The following LALBA variants were observed in gnomAD, a reference collection of about 807,000 sequenced individuals.
LALBA encodes the protein lactalbumin alpha.
A neutral mutation model predicts 13.4 loss-of-function variants in LALBA; 12 were observed. The ratio of observed to expected loss-of-function variants is 0.89; its 90% confidence interval spans 0.57 to 1.45. The LOEUF (loss-of-function observed/expected upper bound fraction) is 1.45. Among genes scored for constraint, LALBA ranks in the 40% most tolerant of loss-of-function variants. The probability of loss-of-function intolerance (pLI) is 0.00; values close to 1 mark genes in which losing one functional copy is unlikely to be tolerated. For missense variants in LALBA, 145 were observed against 165.9 expected, an observed-to-expected ratio of 0.87 and a Z score of 0.69; for synonymous variants, 64 against 61.0, an observed-to-expected ratio of 1.05 and a Z score of -0.23.
chr12:48,570,047 G>A (rs757354101), upstream of LALBA: 2 of 1,612,892 alleles, frequency 1.2e-6, no homozygotes, highest in East Asian at 4.5e-5. Context: ...AACCTGAAAT[G>A]GAAGCATCAC....
intron 3 of LALBA, 71 bp downstream of exon 3, chr12:48,568,446 G>A: frequency 1.2e-6 from 1 of 868,218 alleles, no homozygotes; most frequent in Non-Finnish European, 2.0e-6. Flanking sequence ...TAGGGTAAGA[G>A]GAAAGGGGTG....
intron 3 of LALBA, 81 bp from the exon 4 acceptor site, chr12:48,568,098 C>T (rs1486706103): frequency 4.6e-6 from 5 of 1,091,944 alleles, no homozygotes; most frequent in South Asian, 2.7e-5. Context: ...AGTGGAAGAG[C>T]GTGGACGAGA....
At chr12:48,569,270 A>T in intron 1 of LALBA, 30 bp from the exon 2 acceptor site, 2 of 1,571,476 alleles carry the variant, frequency 1.3e-6, no homozygotes, top group South Asian at 2.3e-5. Flanking sequence ...GAGATACCAC[A>T]GAGATGTACA....
In LALBA at chr12:48,569,777, AAG is replaced by A. The variant is rs557838899; in HGVS notation, c.133+109_133+110del. On this transcript the variant is annotated intron_variant, in intron 1 of 3. Coordinates refer to ENST00000301046, the MANE Select transcript of LALBA (RefSeq NM_002289.3). The stretch of plus-strand genomic sequence containing the variant: ...TAAAAGAGTATGCAAATGAGCAGAA[AAG>A]AGGATGATTAGATAATTAAGTAAAA... The A allele has an allele frequency of 1.3e-4, 125 of 952,618 alleles. 1 individual carries two copies. In the East Asian group the frequency reaches 3.1e-3, roughly 24 times the overall value. The allele number at this position is 952,618 out of a possible 1,614,324, so 59.0% of individuals were successfully genotyped here.
At chr12:48,570,205 C>T (rs1435150466), upstream of LALBA, 3 of 624,026 alleles carry the variant, frequency 4.8e-6, no homozygotes, top group Non-Finnish European at 8.3e-6. Context: ...CCCTACTTTT[C>T]CTTTCCCTCT....
intron 2 of LALBA, among the ~76,000 whole-genome samples, chr12:48,568,867 T>C (rs1025221072): frequency 2.0e-5 from 3 of 152,212 alleles, no homozygotes; most frequent in Admixed American, 1.3e-4. Context: ...ACAGCTCCGA[T>C]TGTCTACCAC....
intron 1 of LALBA, 26 bp downstream of exon 1, chr12:48,569,862 A>G (rs545242831): frequency 3.7e-6 from 6 of 1,612,386 alleles, no homozygotes; most frequent in Non-Finnish European, 4.2e-6. Context: ...TGAGGAATGG[A>G]TGAAACACAG....
upstream of LALBA, among the ~76,000 whole-genome samples, chr12:48,570,749 G>A (rs143491294): frequency 9.0e-4 from 137 of 152,166 alleles, no homozygotes; most frequent in African/African-American, 3.0e-3. Context: ...TTGGGAGGCC[G>A]AGTCTGGTGG....
Position 48,568,596 on chromosome 12 carries a change from GC to G in LALBA, c.293-5del. On this transcript the variant is annotated splice_region_variant and splice_polypyrimidine_tract_variant and intron_variant, in intron 2 of 3. Coordinates refer to ENST00000301046, the MANE Select transcript of LALBA (RefSeq NM_002289.3). ...GTAATGTCATCATCCAGGAACTCTG[GC>G]AGGAGTTACAGGGAAAGGATTGAGA... 6.3e-7 allele frequency: 1 copy of G among 1,577,568 alleles called. No homozygotes were observed. The highest frequency in any genetic ancestry group is 8.7e-7 in the Non-Finnish European group (1 of 1,151,512).
chr12:48,570,517 C>A (rs1938620515), upstream of LALBA, among the ~76,000 whole-genome samples: 1 of 152,116 alleles, frequency 6.6e-6, no homozygotes, highest in Non-Finnish European at 1.5e-5. Flanking sequence ...TGGCACTTGT[C>A]CAACCAATCC....
At chr12:48,570,948 T>C (rs997192878), upstream of LALBA, among the ~76,000 whole-genome samples, 9 of 132,764 alleles carry the variant, frequency 6.8e-5, no homozygotes, top group Admixed American at 2.6e-4. Flanking sequence ...CTGCACTCCA[T>C]CCATCCTGGG....
upstream of LALBA, among the ~76,000 whole-genome samples, chr12:48,571,497 G>A (rs1855223026): frequency 7.1e-6 from 1 of 140,832 alleles, no homozygotes; most frequent in African/African-American, 2.7e-5. Flanking sequence ...TGATTCTCCT[G>A]CCTCAGCCTC....
rs1423152493 is a variant in LALBA, at chr12:48,568,033, G to A, written c.369-16C>T. The A allele has an allele frequency of 7.6e-6, 12 of 1,584,400 alleles. No individual in the cohort carries two copies. The highest frequency in any genetic ancestry group is 9.5e-6 in the Non-Finnish European group (11 of 1,162,856). On this transcript the variant is annotated splice_polypyrimidine_tract_variant and intron_variant, in intron 3 of 3. Transcript: ENST00000301046. ...ATGGGCCAACCTGATAATGGAGAAG[G>A]GGGACAAGGTGAGTTAGCTGACTGA...
At chr12:48,569,595 T>C (rs756067773) in intron 1 of LALBA, among the ~76,000 whole-genome samples, 4 of 151,896 alleles carry the variant, frequency 2.6e-5, no homozygotes, top group Non-Finnish European at 5.9e-5. Flanking sequence ...TGCCTGTAAT[T>C]CCAGCTACTT....
At chr12:48,570,266 A>G (rs942872943), upstream of LALBA, among the ~76,000 whole-genome samples, 8 of 152,136 alleles carry the variant, frequency 5.3e-5, no homozygotes, top group African/African-American at 1.9e-4. Context: ...AAAGAGTTCA[A>G]ACCATGATCC....
At chr12:48,571,376 C>T (rs895989081), upstream of LALBA, among the ~76,000 whole-genome samples, 6 of 73,974 alleles carry the variant, frequency 8.1e-5, no homozygotes, top group Admixed American at 1.8e-4. Flanking sequence ...CTGATTTCTT[C>T]TTCTTCTTCC....
chr12:48,569,287 G>GT, intron 1 of LALBA, 47 bp from the exon 2 acceptor site: 1 of 1,468,320 alleles, frequency 6.8e-7, no homozygotes, highest in Non-Finnish European at 9.3e-7. Flanking sequence ...TACAGGATCT[G>GT]CATAAAGGAG....
At chr12:48,570,145 G>A, upstream of LALBA, 2 of 1,035,360 alleles carry the variant, frequency 1.9e-6, no homozygotes, top group Admixed American at 2.3e-5. Flanking sequence ...AGAGAGACTG[G>A]TCATGCCAAG....
At chr12:48,570,291 C>G (rs1938618043), upstream of LALBA, among the ~76,000 whole-genome samples, 1 of 152,142 alleles carries the variant, frequency 6.6e-6, no homozygotes, top group Non-Finnish European at 1.5e-5. Flanking sequence ...TCCCATTTGG[C>G]TTTGTTTAGC....
Sources: allele counts gnomAD v4.1 joint callset (sites outside exome capture counted in the v4.1 genomes callset), GRCh38; gene constraint gnomAD v4.1.1; transcripts MANE v1.5; gene names NCBI Gene and HGNC (gene_info 2026-07-23, HGNC 2026-07-21).